Variants in UBN1 observed in about 807,000 individuals in gnomAD.
UBN1 encodes ubinuclein-1.
In UBN1, 17 loss-of-function variants were observed where a neutral mutation model predicts 108.5. The observed-to-expected ratio is 0.16, with a 90% confidence interval of 0.11 to 0.24. The LOEUF (loss-of-function observed/expected upper bound fraction) is 0.24. UBN1 is among the 10% of genes least tolerant of loss of function. The pLI is 1.00. For synonymous variants in UBN1, 726 were observed against 564.2 expected (o/e 1.29, Z -4.07); for missense variants, 1,595 against 1,394.4 (o/e 1.14, Z -2.29).
At chr16:4,857,916 A>G (rs2086886961) in intron 2 of UBN1, 74 bp from the exon 3 acceptor site, 1 of 1,088,994 alleles carries the variant, frequency 9.2e-7, no homozygotes, top group Non-Finnish European at 1.4e-6. Flanking sequence ...GTATTGAGTA[A>G]TCAGTGAAGT....
At chr16:4,867,003 C>T (rs2087366462) in intron 7 of UBN1, among the ~76,000 whole-genome samples, 1 of 152,186 alleles carries the variant, frequency 6.6e-6, no homozygotes, top group Non-Finnish European at 1.5e-5. Flanking sequence ...ACAGGCTTCG[C>T]CGGCCTCCTG....
At position 4,875,277 on chromosome 16, in the gene UBN1, A is replaced by G. The variant is rs200157031; in HGVS notation, c.2867A>G (p.Lys956Arg). Residue 956 changes from lysine (K) to arginine (R), a missense_variant, in exon 15 of 18, where the codon AAA (lysine) becomes AGA (arginine). Lys to Arg is a conservative substitution (Grantham distance 26, BLOSUM62 2). Around this residue, in one of 3 missense-constraint regions of UBN1, gnomAD observed 1,398 missense variants for 1,194.7 expected, o/e 1.17. Transcript: ENST00000262376. ...CGACCCGTCCCAAGTTCAGCAGGGA[A>G]AAAAATGCCTGTTTCCCAGAAGTTG... ...TSRPVPSSAG[K>R]KMPVSQKLTL... is the part of the protein sequence containing the mutation. 71 of 1,614,202 alleles carry G rather than the reference A, an allele frequency of 4.4e-5. No individual in the cohort carries two copies. In the South Asian group the frequency reaches 7.1e-4, roughly 16 times the overall value.
chr16:4,868,756 C>T, intron 7 of UBN1, 77 bp from the exon 8 acceptor site: 1 of 1,445,268 alleles, frequency 6.9e-7, no homozygotes, highest in East Asian at 2.3e-5. Context: ...GGAGCGATGA[C>T]TCCTGTGCCT....
In UBN1 at chr16:4,874,372, T is replaced by G. The variant is rs2087783051; in HGVS notation, c.1962T>G (p.Pro654=). The change falls in exon 15 of 18, where the codon CCT becomes CCG. Residue 654 remains proline (P), a synonymous_variant. Coordinates refer to ENST00000262376, the MANE Select transcript of UBN1 (RefSeq NM_001079514.3). ...CGGGCGGCCTTGCTAACCCTCCTCC[T>G]GTCAACCTGGAGGACTCATTGGATG... ...QASGGLANPP[P]VNLEDSLDED... 1.2e-6 allele frequency: 2 copies of G among 1,613,908 alleles called. No homozygotes were observed. Among genetic ancestry groups the G allele is most frequent in the Admixed American group, 3.3e-5 (2 of 59,988 alleles).
intron 5 of UBN1, among the ~76,000 whole-genome samples, chr16:4,859,495 G>A (rs1175128075): frequency 6.6e-6 from 1 of 152,200 alleles, no homozygotes; most frequent in Non-Finnish European, 1.5e-5. Flanking sequence ...TGGACATGTA[G>A]AGGACTTCAG....
At position 4,877,913 on chromosome 16, in the gene UBN1, C is replaced by T. The variant is rs1336563104; in HGVS notation, c.3355+439C>T. The T allele has an allele frequency of 5.8e-6, 5 of 866,224 alleles. No individual in the cohort carries two copies. Among genetic ancestry groups the T allele is most frequent in the Non-Finnish European group, 6.9e-6 (5 of 720,984 alleles). The allele number at this position is 866,224 out of a possible 1,614,324, so 53.7% of individuals were successfully genotyped here. A position where few individuals can be genotyped will look rare whatever the true frequency, so the allele number is the denominator to read the frequency against. ...TCAGATGTGATTGCTTAACAGAAGGCTCTCTAAACTTTGTTTCCATTAAAG... is the reference window on the plus strand; with the variant it reads ...TCAGATGTGATTGCTTAACAGAAGGTTCTCTAAACTTTGTTTCCATTAAAG... On this transcript the variant is annotated intron_variant, in intron 17 of 17. Transcript: ENST00000262376. The surrounding 1 kb of genome is among the most constrained non-coding windows in gnomAD (Gnocchi z 4.3).
At chr16:4,863,868 T>G (rs1289986577) in intron 7 of UBN1, among the ~76,000 whole-genome samples, 1 of 152,082 alleles carries the variant, frequency 6.6e-6, no homozygotes, top group East Asian at 1.9e-4. Flanking sequence ...CAGGGCAACA[T>G]CTCAAGAGGG....
At chr16:4,876,590 C>T (rs576053760) in intron 15 of UBN1, among the ~76,000 whole-genome samples, 195 of 151,594 alleles carry the variant, frequency 1.3e-3, no homozygotes, top group African/African-American at 4.4e-3. Flanking sequence ...TGCAGTAGCG[C>T]GATCACAGCT....
Position 4,877,303 on chromosome 16 carries a change from CT to C in UBN1, c.3266-78del, listed in dbSNP as rs2087929335. On this transcript the variant is annotated intron_variant, in intron 16 of 17. Transcript: ENST00000262376. The surrounding 1 kb of genome is among the most constrained non-coding windows in gnomAD (Gnocchi z 4.3). The stretch of plus-strand genomic sequence containing the variant: ...GACTGGCCTGGCAGGTTATCGGGGG[CT>C]TTTGGCTGCTGGAGCTGCTTTCCTG... 7.8e-6 allele frequency: 12 copies of C among 1,546,780 alleles called. No individual in the cohort carries two copies. The highest frequency in any genetic ancestry group is 9.6e-6 in the Non-Finnish European group (11 of 1,142,048).
chr16:4,860,928 G>A lies in UBN1; in HGVS notation c.936G>A (p.Thr312=), dbSNP rs1331824116. The change falls in exon 7 of 18, where the codon ACG becomes ACA. Residue 312 remains threonine, a synonymous_variant. Transcript: ENST00000262376. ...LQAATAMDSL[T]DLDLEHLLSE... is the part of the protein sequence containing the mutation. ...CGGCCACTGCCATGGACTCGCTGAC[G>A]GATTTGGACTTGGAGCATCTGCTCA... The A allele has an allele frequency of 4.3e-6, 7 of 1,614,246 alleles. No individual in the cohort carries two copies. In the South Asian group the frequency reaches 6.6e-5, roughly 15 times the overall value.
At chr16:4,861,874 G>A (rs1320023679) in intron 7 of UBN1, among the ~76,000 whole-genome samples, 3 of 152,196 alleles carry the variant, frequency 2.0e-5, no homozygotes, top group Non-Finnish European at 2.9e-5. Context: ...CCCAGGAGGC[G>A]GAGGTTGTGG....
chr16:4,848,954 A>G (rs1252458557), intron 1 of UBN1, among the ~76,000 whole-genome samples: 1 of 152,084 alleles, frequency 6.6e-6, no homozygotes, highest in Non-Finnish European at 1.5e-5. Context: ...ATACAAAATT[A>G]GCCGGGCGTG....
Position 4,874,469 on chromosome 16 carries a change from G to A in UBN1, c.2059G>A (p.Ala687Thr), listed in dbSNP as rs764989786. Residue 687 changes from alanine to threonine, a missense_variant, in exon 15 of 18, where the codon GCA becomes ACA. By Grantham distance (58) the Ala-to-Thr change is moderately conservative. This residue lies in a region of UBN1 where 1,398 missense variants were observed against 1,194.7 expected (regional missense o/e 1.17). Transcript: ENST00000262376. ...SKELAALNSRAAGNSEFTLPA... is the reference protein window; with the variant it reads ...SKELAALNSRTAGNSEFTLPA... ...GGAATTGGCTGCATTGAATAGCAGA[G>A]CAGCTGGGAACTCTGAATTCACACT... 2 of 1,614,244 alleles carry A rather than the reference G, an allele frequency of 1.2e-6. No homozygotes were observed. Among genetic ancestry groups the A allele is most frequent in the Admixed American group, 3.3e-5 (2 of 60,026 alleles).
At chr16:4,873,653 G>T (rs961782807) in intron 14 of UBN1, among the ~76,000 whole-genome samples, 3 of 152,146 alleles carry the variant, frequency 2.0e-5, no homozygotes, top group African/African-American at 7.2e-5. Flanking sequence ...TTACTCCTAA[G>T]TATCTGTTGA....
At position 4,852,990 on chromosome 16, in the gene UBN1, C is replaced by G. The variant is rs774276487; in HGVS notation, c.73C>G (p.Arg25Gly). 7.4e-6 allele frequency: 12 copies of G among 1,614,040 alleles called. No homozygotes were observed. The highest frequency in any genetic ancestry group is 6.7e-5 in the Admixed American group (4 of 59,988). The change falls in exon 2 of 18, where the codon CGG becomes GGG. Residue 25 changes from arginine (R) to glycine (G), a missense_variant. Physicochemically the swap from Arg to Gly is moderately radical, Grantham distance 125. This residue lies in a region of UBN1 where 181 missense variants were observed against 157.3 expected (regional missense o/e 1.15). Transcript: ENST00000262376. Reference sequence around the variant, plus strand: ...GAATCCTGCGTTTTTGAAGAAGTCCCGGAAGGAGGAGGCTGGGGCAGGAGA... The same window carrying G: ...GAATCCTGCGTTTTTGAAGAAGTCCGGGAAGGAGGAGGCTGGGGCAGGAGA... ...SLNPAFLKKS[R>G]KEEAGAGEQH...
In UBN1 at chr16:4,870,228, C is replaced by A; in HGVS notation, c.1198C>A (p.Arg400=). ...GILLDIEAQT[R]ELSSQVRSGV... Reference sequence around the variant, plus strand: ...GTTCTTCAGCATAGAGGCGCAGACTCGGGAGCTGAGCAGTCAGGTCCGCTC... The same window carrying A: ...GTTCTTCAGCATAGAGGCGCAGACTAGGGAGCTGAGCAGTCAGGTCCGCTC... Residue 400 remains arginine, a synonymous_variant, in exon 9 of 18, where the codon CGG becomes AGG. Transcript: ENST00000262376. 6.2e-7 allele frequency: 1 copy of A among 1,614,214 alleles called. No individual in the cohort carries two copies.
At position 4,859,114 on chromosome 16, in the gene UBN1, G is replaced by A. The variant is rs1162898703; in HGVS notation, c.522G>A (p.Glu174=). 7 of 1,614,084 alleles carry A rather than the reference G, an allele frequency of 4.3e-6. No homozygotes were observed. Among genetic ancestry groups the A allele is most frequent in the Non-Finnish European group, 5.9e-6 (7 of 1,180,032 alleles). ...SGTLQFRQAS[E]SEDDFIKEKK... is the part of the protein sequence containing the mutation. Reference sequence around the variant, plus strand: ...CCCTGCAGTTTAGACAAGCATCAGAGTCTGAAGATGACTTCATTAAAGAAA... The same window carrying A: ...CCCTGCAGTTTAGACAAGCATCAGAATCTGAAGATGACTTCATTAAAGAAA... Residue 174 remains glutamate, a synonymous_variant, in exon 5 of 18, where the codon GAG becomes GAA. Transcript: ENST00000262376.
chr16:4,858,727 C>T (rs888941151), intron 4 of UBN1, 64 bp downstream of exon 4: 1 of 1,528,176 alleles, frequency 6.5e-7, no homozygotes, highest in African/African-American at 1.4e-5. Flanking sequence ...TGATACTGAC[C>T]AGGAAGCTGG....
chr16:4,854,721 G>A (rs941841681), intron 2 of UBN1, among the ~76,000 whole-genome samples: 4 of 148,514 alleles, frequency 2.7e-5, no homozygotes, highest in African/African-American at 1.0e-4. Context: ...CCGCCTAGGT[G>A]AAAAGCTGTT....
Sources: allele counts gnomAD v4.1 joint callset (sites outside exome capture counted in the v4.1 genomes callset), GRCh38; gene constraint gnomAD v4.1.1; regional missense constraint gnomAD v4.1.1; non-coding constraint Gnocchi (gnomAD v3.1); transcripts MANE v1.5; gene names NCBI Gene and HGNC (gene_info 2026-07-23, HGNC 2026-07-21).